The following MRC2 variants were observed in gnomAD, a reference collection of about 807,000 sequenced individuals.
MRC2 encodes the protein C-type mannose receptor 2.
In MRC2, 84 loss-of-function variants were observed where a neutral mutation model predicts 206.2. The observed-to-expected ratio is 0.41, with a 90% CI of 0.34 to 0.49. The LOEUF is 0.49. Ranked by LOEUF, MRC2 falls within the 20% of genes least tolerant of loss-of-function variation. The pLI is 0.31. For synonymous variants in MRC2, 798 were observed against 800.0 expected (o/e 1.00, Z 0.04); for missense variants, 1,676 against 2,001.5 (o/e 0.84, Z 3.10).
chr17:62,666,191 C>A lies in MRC2; in HGVS notation c.618C>A (p.Arg206=). The A allele has an allele frequency of 6.2e-7, 1 of 1,603,756 alleles. No homozygotes were observed. Among genetic ancestry groups the A allele is most frequent in the Non-Finnish European group, 8.5e-7 (1 of 1,175,362 alleles). Residue 206 remains arginine (R), a synonymous_variant, in exon 3 of 30, where the codon CGC becomes CGA. Transcript: ENST00000303375. This position sits in a 1 kb window ranked among gnomAD's most constrained non-coding sequence, Gnocchi z 5.0. The part of the protein sequence containing the change: ...QWFHGCTSTG[R]EDGHLWCATT... ...TCCACGGCTGCACCAGCACGGGCCG[C>A]GAGGATGGTCACCTGTGGTGTGCCA...
In MRC2 at chr17:62,680,590, A is replaced by T; in HGVS notation, c.2473+137A>T. The T allele has an allele frequency of 7.3e-7, 1 of 1,362,904 alleles. No homozygotes were observed. The allele number at this position is 1,362,904 out of a possible 1,614,324, so 84.4% of individuals were successfully genotyped here. A position where few individuals can be genotyped will look rare whatever the true frequency, so the allele number is the denominator to read the frequency against. On this transcript the variant is annotated intron_variant, in intron 16 of 29. Transcript: ENST00000303375. The surrounding 1 kb of genome is among the most constrained non-coding windows in gnomAD (Gnocchi z 4.8). ...GAGAAGGGGGACGGGGTTGGCTCGG[A>T]CGGAGGCAGCCACAGCCCTGTTTGC...
intron 1 of MRC2, among the ~76,000 whole-genome samples, chr17:62,651,587 C>A (rs1056531062): frequency 5.9e-5 from 9 of 151,984 alleles, no homozygotes; most frequent in Non-Finnish European, 1.2e-4. Flanking sequence ...TTTTCTCCTT[C>A]TTTACGGAGA....
intron 18 of MRC2, 53 bp downstream of exon 18, chr17:62,681,182 G>A (rs944233438): frequency 8.2e-6 from 13 of 1,584,212 alleles, no homozygotes; most frequent in African/African-American, 8.1e-5. Context: ...GTCCACACAC[G>A]GAGCACAGAG....
At chr17:62,679,633 G>A (rs2088935559) in intron 13 of MRC2, 167 bp from the exon 14 acceptor site, 2 of 575,752 alleles carry the variant, frequency 3.5e-6, no homozygotes, top group Non-Finnish European at 6.1e-6. Flanking sequence ...GAACTTTACC[G>A]AAGTGACCTC....
At chr17:62,651,417 G>C (rs955793124) in intron 1 of MRC2, among the ~76,000 whole-genome samples, 1 of 151,892 alleles carries the variant, frequency 6.6e-6, no homozygotes, top group Non-Finnish European at 1.5e-5. Context: ...CTCATGCCAG[G>C]CAAAGGTCCA....
In MRC2 at chr17:62,666,051, G is replaced by T; in HGVS notation, c.521-43G>T. On this transcript the variant is annotated intron_variant, in intron 2 of 29. Transcript: ENST00000303375. This position sits in a 1 kb window ranked among gnomAD's most constrained non-coding sequence, Gnocchi z 5.0. The stretch of plus-strand genomic sequence containing the variant: ...GGGTCGAGGGGCTTGGCAGCCTCTG[G>T]TGTCCAGATGCCAAGGGCCTGGCCC... The T allele has an allele frequency of 6.5e-7, 1 of 1,542,264 alleles. No individual in the cohort carries two copies. Among genetic ancestry groups the T allele is most frequent in the Non-Finnish European group, 8.7e-7 (1 of 1,143,702 alleles).
At chr17:62,631,032 A>T (rs1418672237) in intron 1 of MRC2, among the ~76,000 whole-genome samples, 1 of 152,042 alleles carries the variant, frequency 6.6e-6, no homozygotes, top group African/African-American at 2.4e-5. Context: ...GGGTACATGG[A>T]GGGGAGGAAG....
At chr17:62,632,889 AGGCTGAGCAGT>A (rs1248548411) in intron 1 of MRC2, among the ~76,000 whole-genome samples, 1 of 152,128 alleles carries the variant, frequency 6.6e-6, no homozygotes, top group East Asian at 1.9e-4. Context: ...GCCGGGTGCG[AGGCTGAGCAGT>A]GGCCCCTTCC....
rs1262381826 is a variant in MRC2 at position 62,691,112 on chromosome 17, C to T, written c.4176C>T (p.Val1392=). 1.9e-6 allele frequency: 3 copies of T among 1,606,736 alleles called. No homozygotes were observed. The highest frequency in any genetic ancestry group is 1.3e-5 in the African/African-American group (1 of 74,710). ...GCACCAACATCACCATGGGTGTCGTCTGCAAGCTTCCTCGTGGTGAGCGCC... is the reference window on the plus strand; with the variant it reads ...GCACCAACATCACCATGGGTGTCGTTTGCAAGCTTCCTCGTGGTGAGCGCC... ...GACTNITMGV[V]CKLPRAEQSS... The change falls in exon 28 of 30, where the codon GTC becomes GTT. Residue 1392 remains valine (V), a synonymous_variant. Transcript: ENST00000303375.
At chr17:62,629,916 A>AG (rs2084203039) in intron 1 of MRC2, among the ~76,000 whole-genome samples, 1 of 151,890 alleles carries the variant, frequency 6.6e-6, no homozygotes. Context: ...ACCATGGGGG[A>AG]GCCCTGTGTG....
chr17:62,690,355 C>A, intron 26 of MRC2, 50 bp downstream of exon 26: 10 of 1,558,292 alleles, frequency 6.4e-6, no homozygotes, highest in Non-Finnish European at 7.8e-6. Flanking sequence ...GGCACCTCCT[C>A]TCGTGGGCAC....
chr17:62,680,061 C>G lies in MRC2; in HGVS notation c.2299-109C>G. The G allele has an allele frequency of 6.5e-7, 1 of 1,547,348 alleles. No individual in the cohort carries two copies. Among genetic ancestry groups the G allele is most frequent in the African/African-American group, 1.4e-5 (1 of 73,720 alleles). On this transcript the variant is annotated intron_variant, in intron 14 of 29. Coordinates refer to ENST00000303375, the MANE Select transcript of MRC2 (RefSeq NM_006039.5). The surrounding 1 kb of genome is among the most constrained non-coding windows in gnomAD (Gnocchi z 4.8). ...GGTCCGAGAGGGGTCACCCGGCCCC[C>G]GGTGAGAATTCGCAGCTCAGGCCAG...
chr17:62,692,070 G>A lies in MRC2; in HGVS notation c.4193-42G>A, dbSNP rs1419219740. 1 of 1,612,478 alleles carries A rather than the reference G, an allele frequency of 6.2e-7. No homozygotes were observed. The highest frequency in any genetic ancestry group is 1.3e-5 in the African/African-American group (1 of 75,032). Reference sequence around the variant, plus strand: ...TGTTTACTTAAGTGATTATTACGATGATCACTGCTATTATTAACTGGCCCC... The same window carrying A: ...TGTTTACTTAAGTGATTATTACGATAATCACTGCTATTATTAACTGGCCCC... On this transcript the variant is annotated intron_variant, in intron 28 of 29. Transcript: ENST00000303375. This position sits in a 1 kb window ranked among gnomAD's most constrained non-coding sequence, Gnocchi z 4.2.
rs543225837 is a variant in MRC2, at chr17:62,633,660, G to A, written c.118+5740G>A. ...TCAAGACCAACTTGGGCAACATGAC[G>A]AAACCCAGTCACTACAGAAAAAAAA... On this transcript the variant is annotated intron_variant, in intron 1 of 29. Transcript: ENST00000303375. 9.3e-4 allele frequency among the ~76,000 whole-genome samples: 136 copies of A among 145,738 alleles called. 1 individual carries two copies. The highest frequency in any genetic ancestry group is 3.2e-3 in the African/African-American group (125 of 39,592).
chr17:62,690,928 T>C, intron 27 of MRC2, 21 bp from the exon 28 acceptor site: 1 of 1,571,568 alleles, frequency 6.4e-7, no homozygotes, highest in Non-Finnish European at 8.6e-7. Flanking sequence ...CCCTGCTCCC[T>C]CAGTGCCTTC....
Position 62,664,453 on chromosome 17 carries a change from C to T in MRC2, c.119-95C>T. The stretch of plus-strand genomic sequence containing the variant: ...ATGAGTGACGGCTCACCATCCTGCA[C>T]TGGGCACATGGTAGGTGCCTGTCAG... On this transcript the variant is annotated intron_variant, in intron 1 of 29. Transcript: ENST00000303375. This position sits in a 1 kb window ranked among gnomAD's most constrained non-coding sequence, Gnocchi z 4.7. 1 of 1,352,362 alleles carries T rather than the reference C, an allele frequency of 7.4e-7. No homozygotes were observed. The highest frequency in any genetic ancestry group is 1.0e-6 in the Non-Finnish European group (1 of 984,884). 83.8% of individuals were successfully genotyped at this position (1,352,362 alleles called of 1,614,324 possible). A position where few individuals can be genotyped will look rare whatever the true frequency, so the allele number is the denominator to read the frequency against.
chr17:62,680,776 C>T lies in MRC2; in HGVS notation c.2474-24C>T. Reference sequence around the variant, plus strand: ...GTGCAGCCTCTGCCTGGCCGCCGCTCCCACGCCCGCGCTGCTCCTGCAGGC... The same window carrying T: ...GTGCAGCCTCTGCCTGGCCGCCGCTTCCACGCCCGCGCTGCTCCTGCAGGC... On this transcript the variant is annotated intron_variant, in intron 16 of 29. Coordinates refer to ENST00000303375, the MANE Select transcript of MRC2 (RefSeq NM_006039.5). This position sits in a 1 kb window ranked among gnomAD's most constrained non-coding sequence, Gnocchi z 4.8. 6.4e-7 allele frequency: 1 copy of T among 1,567,616 alleles called. No individual in the cohort carries two copies.
chr17:62,657,775 G>A (rs923840455), intron 1 of MRC2, among the ~76,000 whole-genome samples: 11 of 152,134 alleles, frequency 7.2e-5, no homozygotes, highest in African/African-American at 1.4e-4. Flanking sequence ...CTCTCAGGAC[G>A]CCTTTTCTCT....
chr17:62,655,827 C>A (rs954126522), intron 1 of MRC2, among the ~76,000 whole-genome samples: 1 of 152,134 alleles, frequency 6.6e-6, no homozygotes, highest in African/African-American at 2.4e-5. Flanking sequence ...ACCTTCACCC[C>A]CAACCGTGCA....
Sources: allele counts gnomAD v4.1 joint callset (sites outside exome capture counted in the v4.1 genomes callset), GRCh38; gene constraint gnomAD v4.1.1; non-coding constraint Gnocchi (gnomAD v3.1); transcripts MANE v1.5; gene names NCBI Gene and HGNC (gene_info 2026-07-23, HGNC 2026-07-21).